Variants in PEBP4 observed in about 807,000 individuals in gnomAD.
The protein encoded by PEBP4 is phosphatidylethanolamine binding protein 4, also known as phosphatidylethanolamine-binding protein 4.
PEBP4 carries 22 observed loss-of-function variants against 23.9 expected under a neutral mutation model. That is an observed-to-expected ratio of 0.92 (90% confidence interval 0.66 to 1.31). The LOEUF (loss-of-function observed/expected upper bound fraction) is 1.31, where lower values mean the gene tolerates loss of function less well. Among genes scored for constraint, PEBP4 ranks in the 40% most tolerant of loss-of-function variants. The pLI is 0.00. For synonymous variants in PEBP4, 112 were observed against 99.3 expected, an observed-to-expected ratio of 1.13 and a Z score of -0.76; for missense variants, 324 against 281.7, an observed-to-expected ratio of 1.15 and a Z score of -1.07.
At chr8:22,820,769 T>C (rs541555703) in intron 3 of PEBP4, among the ~76,000 whole-genome samples, 60 of 152,236 alleles carry the variant, frequency 3.9e-4, no homozygotes, top group South Asian at 1.9e-3. Context: ...TGAAAAGAAA[T>C]AGTGGGTGAC....
intron 6 of PEBP4, among the ~76,000 whole-genome samples, chr8:22,716,135 G>T (rs984383453): frequency 6.6e-6 from 1 of 152,196 alleles, no homozygotes; most frequent in Non-Finnish European, 1.5e-5. Context: ...GGAGGAGGAA[G>T]CTGTCTGATG....
At chr8:22,875,753 C>T (rs1808106663) in intron 3 of PEBP4, among the ~76,000 whole-genome samples, 1 of 152,040 alleles carries the variant, frequency 6.6e-6, no homozygotes, top group Admixed American at 6.5e-5. Flanking sequence ...CAGCACGTCA[C>T]CCACCCGCAC....
At chr8:22,741,849 G>C (rs1805002286) in intron 4 of PEBP4, among the ~76,000 whole-genome samples, 1 of 152,198 alleles carries the variant, frequency 6.6e-6, no homozygotes, top group Non-Finnish European at 1.5e-5. Flanking sequence ...ATGTTGAAAT[G>C]AGTCTTTGCA....
At chr8:22,861,567 A>G (rs1480679530) in intron 3 of PEBP4, among the ~76,000 whole-genome samples, 1 of 152,222 alleles carries the variant, frequency 6.6e-6, no homozygotes, top group Non-Finnish European at 1.5e-5. Context: ...TTCTGTGGCA[A>G]GATTTGACAG....
chr8:22,916,517 G>C (rs1392518870), intron 3 of PEBP4, among the ~76,000 whole-genome samples: 4 of 152,086 alleles, frequency 2.6e-5, no homozygotes, highest in African/African-American at 7.2e-5. Context: ...CCACCCCTAG[G>C]GGGAGGAGAG....
intron 6 of PEBP4, among the ~76,000 whole-genome samples, chr8:22,715,494 G>A (rs369523675): frequency 5.9e-5 from 9 of 152,346 alleles, no homozygotes; most frequent in East Asian, 3.9e-4. Context: ...GAACAGGGAC[G>A]AGGGGGCCTT....
intron 6 of PEBP4, among the ~76,000 whole-genome samples, chr8:22,718,035 C>T (rs968352162): frequency 2.6e-5 from 4 of 152,186 alleles, no homozygotes; most frequent in East Asian, 1.9e-4. Context: ...GAAAAGCCCT[C>T]GTTCCATCAC....
At chr8:22,817,769 C>T in intron 3 of PEBP4, 34 bp from the exon 4 acceptor site, 1 of 1,591,414 alleles carries the variant, frequency 6.3e-7, no homozygotes, top group East Asian at 2.2e-5. Flanking sequence ...AATGTAGCGT[C>T]ATGGCTGAAA....
chr8:22,846,273 A>G (rs542411205), intron 3 of PEBP4, among the ~76,000 whole-genome samples: 58 of 152,288 alleles, frequency 3.8e-4, no homozygotes, highest in South Asian at 1.2e-3. Context: ...CCCGGGCCCC[A>G]GAGTTCTGGT....
At chr8:22,903,269 C>T (rs1808746847) in intron 3 of PEBP4, among the ~76,000 whole-genome samples, 2 of 152,186 alleles carry the variant, frequency 1.3e-5, no homozygotes, top group Admixed American at 1.3e-4. Context: ...ACTGTGTGAC[C>T]TTGGACAAGT....
intron 4 of PEBP4, among the ~76,000 whole-genome samples, chr8:22,778,400 T>A (rs1805856905): frequency 6.6e-6 from 1 of 151,784 alleles, no homozygotes; most frequent in Non-Finnish European, 1.5e-5. Context: ...TTTTTTTTTT[T>A]TGAGATGGAG....
At chr8:22,912,591 C>T (rs1402919188) in intron 3 of PEBP4, among the ~76,000 whole-genome samples, 1 of 152,244 alleles carries the variant, frequency 6.6e-6, no homozygotes, top group Non-Finnish European at 1.5e-5. Flanking sequence ...GCGCCCTCAT[C>T]TGTCATCAAG....
At chr8:22,805,600 A>G (rs1563221948) in intron 4 of PEBP4, among the ~76,000 whole-genome samples, 1 of 152,218 alleles carries the variant, frequency 6.6e-6, no homozygotes, top group East Asian at 1.9e-4. Flanking sequence ...TGCTGGGACT[A>G]CAGGCATGAG....
chr8:22,855,000 G>GCACA (rs200500141), intron 3 of PEBP4, among the ~76,000 whole-genome samples: 13 of 73,788 alleles, frequency 1.8e-4, no homozygotes, highest in African/African-American at 5.5e-4. Flanking sequence ...GAGTATGCAC[G>GCACA]CACACACACA....
intron 3 of PEBP4, among the ~76,000 whole-genome samples, chr8:22,848,267 G>C (rs1024060113): frequency 2.0e-5 from 3 of 152,194 alleles, no homozygotes; most frequent in Non-Finnish European, 2.9e-5. Context: ...ACGAGAGGCT[G>C]TAAGTTCTCA....
At chr8:22,904,925 A>C (rs1439667936) in intron 3 of PEBP4, among the ~76,000 whole-genome samples, 1 of 152,210 alleles carries the variant, frequency 6.6e-6, no homozygotes, top group Non-Finnish European at 1.5e-5. Flanking sequence ...ATTTTAAATA[A>C]TACTACAATG....
intron 4 of PEBP4, among the ~76,000 whole-genome samples, chr8:22,802,468 G>A (rs1430807815): frequency 2.0e-5 from 3 of 152,208 alleles, no homozygotes; most frequent in African/African-American, 7.2e-5. Context: ...AGCTGTTCGG[G>A]CCTCGCCCCT....
At chr8:22,921,968 G>T (rs1809211224) in intron 2 of PEBP4, among the ~76,000 whole-genome samples, 3 of 152,236 alleles carry the variant, frequency 2.0e-5, no homozygotes, top group South Asian at 4.1e-4. Flanking sequence ...AGGGTGGAGG[G>T]ACGCCCTCAC....
chr8:22,770,839 T>C (rs1805704799), intron 4 of PEBP4, among the ~76,000 whole-genome samples: 2 of 152,240 alleles, frequency 1.3e-5, no homozygotes, highest in African/African-American at 4.8e-5. Flanking sequence ...ATTTATTGAA[T>C]ACCTTCACAG....
Sources: allele counts gnomAD v4.1 joint callset (sites outside exome capture counted in the v4.1 genomes callset), GRCh38; gene constraint gnomAD v4.1.1; transcripts MANE v1.5; gene names NCBI Gene and HGNC (gene_info 2026-07-23, HGNC 2026-07-21).